RAB7B: variants seen among roughly 807,000 people sequenced by gnomAD.
RAB7B encodes ras-related protein Rab-7b.
At chr1:205,986,304 T>C (rs1347245156) in intron 4 of RAB7B, among the ~76,000 whole-genome samples, 3 of 152,216 alleles carry the variant, frequency 2.0e-5, no homozygotes, top group Non-Finnish European at 4.4e-5. Context: ...CTTTATCATA[T>C]ATGAACTCAT....
At chr1:205,984,169 C>A (rs995507152) in intron 5 of RAB7B, 1 of 152,264 alleles carries the variant, frequency 6.6e-6, no homozygotes, top group Non-Finnish European at 1.5e-5. Context: ...AAGAGAGGGA[C>A]ACCTCTCTGC....
At chr1:205,984,523 T>C (rs1176171651) in intron 5 of RAB7B, among the ~76,000 whole-genome samples, 1 of 152,306 alleles carries the variant, frequency 6.6e-6, no homozygotes, top group East Asian at 1.9e-4. Flanking sequence ...CCCATGTTGA[T>C]GAGATGTGGC....
intron 5 of RAB7B, among the ~76,000 whole-genome samples, chr1:205,984,611 C>A (rs887387559): frequency 2.9e-4 from 44 of 152,276 alleles, no homozygotes; most frequent in African/African-American, 1.0e-3. Context: ...GACGTTAAAA[C>A]CACGCCACTG....
chr1:205,986,980 A>G (rs1236588984), intron 4 of RAB7B, among the ~76,000 whole-genome samples: 1 of 152,060 alleles, frequency 6.6e-6, no homozygotes, highest in Non-Finnish European at 1.5e-5. Context: ...CTTTCCTCTG[A>G]CTTACCATGA....
rs1660402780 is a variant in RAB7B, at chr1:205,977,471, C to G, written c.*1380G>C. ...CCAAAGGGCTAAACATGCCTCCAAGCCCATGAACAAGCTTTGAGCATCTGA... is the reference window on the plus strand; with the variant it reads ...CCAAAGGGCTAAACATGCCTCCAAGGCCATGAACAAGCTTTGAGCATCTGA... On this transcript the variant is annotated 3_prime_UTR_variant, in exon 6 of 6. Coordinates refer to ENST00000617070, the MANE Select transcript of RAB7B (RefSeq NM_001164522.3). 1 of 152,186 alleles carries G rather than the reference C, an allele frequency of 6.6e-6. No homozygotes were observed. The highest frequency in any genetic ancestry group is 2.4e-5 in the African/African-American group (1 of 41,444). 9.4% of individuals were successfully genotyped at this position (152,186 alleles called of 1,614,324 possible). A position where few individuals can be genotyped will look rare whatever the true frequency, so the allele number is the denominator to read the frequency against.
In RAB7B at chr1:205,992,692, A is replaced by G. The variant is rs1402177507; in HGVS notation, c.184T>C (p.Trp62Arg). The G allele has an allele frequency of 7.5e-6, 3 of 398,774 alleles. No individual in the cohort carries two copies. The highest frequency in any genetic ancestry group is 4.1e-5 in the African/African-American group (2 of 48,654). 24.7% of individuals were successfully genotyped at this position (398,774 alleles called of 1,614,324 possible). A position where few individuals can be genotyped will look rare whatever the true frequency, so the allele number is the denominator to read the frequency against. Residue 62 changes from tryptophan to arginine, a missense_variant, in exon 4 of 6, where the codon TGG becomes CGG. By Grantham distance (101) the Trp-to-Arg change is moderately radical (BLOSUM62 -3). Coordinates refer to ENST00000617070, the MANE Select transcript of RAB7B (RefSeq NM_001164522.3). ...LGDTTLKLQI[W>R]DTGGQERFRS... ...AACCGCTCCTGACCGCCCGTGTCCCAGATCTGGAGGGGAAAGCAGTTGCCC... is the reference window on the plus strand; with the variant it reads ...AACCGCTCCTGACCGCCCGTGTCCCGGATCTGGAGGGGAAAGCAGTTGCCC...
rs1175522211 is a variant in RAB7B at position 205,988,395 on chromosome 1, T to TA, written c.397-2731dup. On this transcript the variant is annotated intron_variant, in intron 4 of 5. Transcript: ENST00000617070. ...AGGTGTGCCACCACACCTGGCTAATTAAAAAAAATTTTTTTCTTTTGTAGA... is the reference window on the plus strand; with the variant it reads ...AGGTGTGCCACCACACCTGGCTAATTAAAAAAAAATTTTTTTCTTTTGTAGA... Among the ~76,000 whole-genome samples the TA allele has an allele frequency of 5.9e-5, 9 of 151,902 alleles. No individual in the cohort carries two copies. The South Asian group carries it at 1.5e-3, about 25-fold the overall frequency.
chr1:205,988,266 T>C (rs1660650641), intron 4 of RAB7B, among the ~76,000 whole-genome samples: 1 of 145,884 alleles, frequency 6.9e-6, no homozygotes, highest in African/African-American at 2.5e-5. Context: ...TCTTGCTCTG[T>C]CGCCCAGGCT....
At chr1:206,002,460 C>G (rs1456445620) in intron 1 of RAB7B, among the ~76,000 whole-genome samples, 1 of 152,218 alleles carries the variant, frequency 6.6e-6, no homozygotes, top group Non-Finnish European at 1.5e-5. Flanking sequence ...CATCCATCCA[C>G]TCATCCATCC....
At chr1:206,001,228 G>A (rs1436677283) in intron 1 of RAB7B, among the ~76,000 whole-genome samples, 3 of 152,008 alleles carry the variant, frequency 2.0e-5, no homozygotes, top group Admixed American at 6.5e-5. Context: ...TCATACAGTG[G>A]TTGGAGTCCC....
chr1:205,985,044 G>A (rs1034942321), intron 5 of RAB7B, among the ~76,000 whole-genome samples: 1 of 152,168 alleles, frequency 6.6e-6, no homozygotes, highest in Non-Finnish European at 1.5e-5. Context: ...GGGTCCTGAG[G>A]CCTGTACAGT....
At chr1:205,992,423 G>T in intron 4 of RAB7B, 57 bp downstream of exon 4, 1 of 398,414 alleles carries the variant, frequency 2.5e-6, no homozygotes, top group South Asian at 1.3e-4. Context: ...CACTGTGCCT[G>T]GCACATAGTG....
rs1056855339 is a variant in RAB7B at position 205,980,336 on chromosome 1, G to A, written c.523-1408C>T. Reference sequence around the variant, plus strand: ...CCCTAATGACATCTGCACCCTCCCCGGGTGCAAGTCATCGCTGAGCTCTTT... The same window carrying A: ...CCCTAATGACATCTGCACCCTCCCCAGGTGCAAGTCATCGCTGAGCTCTTT... On this transcript the variant is annotated intron_variant, in intron 5 of 5. Transcript: ENST00000617070. Among the ~76,000 whole-genome samples, 9 of 152,318 alleles carry A rather than the reference G, an allele frequency of 5.9e-5. No individual in the cohort carries two copies. The East Asian group carries it at 1.4e-3, about 23-fold the overall frequency.
rs2102633728 is a variant in RAB7B at position 205,985,552 on chromosome 1, C to T, written c.510G>A (p.Arg170=). The T allele has an allele frequency of 1.8e-5, 7 of 398,896 alleles. No individual in the cohort carries two copies. In the East Asian group the frequency reaches 2.5e-4, roughly 14 times the overall value. 24.7% of individuals were successfully genotyped at this position (398,896 alleles called of 1,614,324 possible). ...CACAGCCACTCACCCTCGACAGAGCCCTACTGGCCAGCATCTCAAACGCTT... is the reference window on the plus strand; with the variant it reads ...CACAGCCACTCACCCTCGACAGAGCTCTACTGGCCAGCATCTCAAACGCTT... ...VVQAFEMLAS[R]ALSRYQSILE... is the part of the protein sequence containing the mutation. The change falls in exon 5 of 6, where the codon AGG becomes AGA. Residue 170 remains arginine, a synonymous_variant. Coordinates refer to ENST00000617070, the MANE Select transcript of RAB7B (RefSeq NM_001164522.3).
rs1432842000 is a variant in RAB7B, at chr1:205,980,680, C to A, written c.523-1752G>T. Among the ~76,000 whole-genome samples, 4 of 152,356 alleles carry A rather than the reference C, an allele frequency of 2.6e-5. No homozygotes were observed. The South Asian group carries it at 8.3e-4, about 32-fold the overall frequency. On this transcript the variant is annotated intron_variant, in intron 5 of 5. Transcript: ENST00000617070. ...AGCAGCTGCCAGCCAGCCCACTTCC[C>A]TCCACTGGATGTGGTGATTCTGTCT... is the stretch of plus-strand genomic sequence containing the variant.
intron 5 of RAB7B, among the ~76,000 whole-genome samples, chr1:205,981,152 T>G (rs933137396): frequency 6.6e-6 from 1 of 152,112 alleles, no homozygotes; most frequent in Non-Finnish European, 1.5e-5. Context: ...CCTTGCCGGA[T>G]GTAATCCCAA....
intron 1 of RAB7B, among the ~76,000 whole-genome samples, chr1:206,000,118 C>A (rs1452654211): frequency 6.6e-6 from 1 of 152,050 alleles, no homozygotes; most frequent in East Asian, 1.9e-4. Flanking sequence ...GGAAGCTACA[C>A]GTGATGGCTT....
At chr1:205,998,774 G>A (rs2102643951) in intron 1 of RAB7B, among the ~76,000 whole-genome samples, 1 of 152,310 alleles carries the variant, frequency 6.6e-6, no homozygotes, top group African/African-American at 2.4e-5. Flanking sequence ...ATTGTCAGGG[G>A]TAAACAATAC....
intron 4 of RAB7B, 145 bp downstream of exon 4, chr1:205,992,335 G>A (rs1205529001): frequency 5.0e-6 from 2 of 396,404 alleles, no homozygotes; most frequent in African/African-American, 2.1e-5. Context: ...CTTTTAAAAT[G>A]TCTGTATCTA....
Sources: gnomAD v4.1 joint callset for allele counts (sites outside exome capture counted in the v4.1 genomes callset) on GRCh38, gnomAD v4.1.1 for gene constraint, MANE v1.5 for transcripts, NCBI Gene and HGNC (gene_info 2026-07-23, HGNC 2026-07-21) for gene names.